Variants in LRCOL1 observed in about 807,000 individuals in gnomAD.
LRCOL1 encodes leucine rich colipase like 1, also known as leucine-rich colipase-like protein 1.
Under a neutral mutation model 21.6 loss-of-function variants are expected in LRCOL1, and 21 were observed. The ratio of observed to expected loss-of-function variants is 0.97; its 90% CI spans 0.69 to 1.40. LRCOL1 has a LOEUF of 1.40. LRCOL1 is among the 40% of genes most tolerant of loss of function. LRCOL1 has a pLI of 0.00. For missense variants in LRCOL1, 198 were observed against 202.3 expected (o/e 0.98, Z 0.13); for synonymous variants, 98 against 90.1 (o/e 1.09, Z -0.49).
In LRCOL1 at chr12:132,604,278, C is replaced by CCCGGT; in HGVS notation, c.448_452dup (p.Ile152ProfsTer72). 1.3e-6 allele frequency: 2 copies of CCCGGT among 1,535,190 alleles called. No individual in the cohort carries two copies. The highest frequency in any genetic ancestry group is 1.7e-6 in the Non-Finnish European group (2 of 1,146,602). ...CCAGGGGCAGGCACTGGGCCAGGAT[C>CCCGGT]CCGGTCCGGGGAATGCAGCGGAAGG... On this transcript the variant is annotated frameshift_variant, in exon 5 of 6. Coordinates refer to ENST00000376608, the MANE Select transcript of LRCOL1 (RefSeq NM_001195520.2). LOFTEE classifies it high-confidence loss of function.
Position 132,606,124 on chromosome 12 carries a change from C to T in LRCOL1, c.105+23G>A. ...ATGGCGCGTGTGGGGCCTGCAGGGGCATCAGGGGTGCCCGGCACCCACCTT... is the reference window on the plus strand; with the variant it reads ...ATGGCGCGTGTGGGGCCTGCAGGGGTATCAGGGGTGCCCGGCACCCACCTT... On this transcript the variant is annotated intron_variant, in intron 2 of 5. Coordinates refer to ENST00000376608, the MANE Select transcript of LRCOL1 (RefSeq NM_001195520.2). The surrounding 1 kb of genome is among the most constrained non-coding windows in gnomAD (Gnocchi z 4.6). The T allele has an allele frequency of 6.5e-7, 1 of 1,534,114 alleles. No individual in the cohort carries two copies. Among genetic ancestry groups the T allele is most frequent in the Non-Finnish European group, 8.7e-7 (1 of 1,145,162 alleles).
Position 132,606,223 on chromosome 12 carries a change from A to G in LRCOL1, c.29T>C (p.Leu10Pro). MAGPGWTLL[L>P]LLLLLLLLGS... ...CAGCAGCAGCAGCAGCAGCAGCAGT[A>G]GCAGCAGCGTCCACCCCGGGCCGGC... The change falls in exon 2 of 6, where the codon CTA (leucine) becomes CCA (proline). Residue 10 changes from leucine to proline, a missense_variant. By Grantham distance (98) the Leu-to-Pro change is moderately conservative. Coordinates refer to ENST00000376608, the MANE Select transcript of LRCOL1 (RefSeq NM_001195520.2). This position sits in a 1 kb window ranked among gnomAD's most constrained non-coding sequence, Gnocchi z 4.6. The G allele has an allele frequency of 6.5e-7, 1 of 1,536,650 alleles. No homozygotes were observed. Among genetic ancestry groups the G allele is most frequent in the Non-Finnish European group, 8.7e-7 (1 of 1,146,876 alleles).
At position 132,606,315 on chromosome 12, in the gene LRCOL1, G is replaced by C; in HGVS notation, c.-13-51C>G. ...AGTGTGTCCACGCCAGCCTTGTCCT[G>C]CCTGGCACCTGGTGCTGGCCTCCCC... On this transcript the variant is annotated intron_variant, in intron 1 of 5. Coordinates refer to ENST00000376608, the MANE Select transcript of LRCOL1 (RefSeq NM_001195520.2). This position sits in a 1 kb window ranked among gnomAD's most constrained non-coding sequence, Gnocchi z 4.6. 3 of 1,483,524 alleles carry C rather than the reference G, an allele frequency of 2.0e-6. No homozygotes were observed. Among genetic ancestry groups the C allele is most frequent in the Admixed American group, 2.0e-5 (1 of 50,404 alleles). 91.9% of individuals were successfully genotyped at this position (1,483,524 alleles called of 1,614,324 possible).
Position 132,604,765 on chromosome 12 carries a change from C to T in LRCOL1, c.172G>A (p.Ala58Thr). 1.3e-6 allele frequency: 2 copies of T among 1,536,116 alleles called. No individual in the cohort carries two copies. The highest frequency in any genetic ancestry group is 1.7e-6 in the Non-Finnish European group (2 of 1,146,890). The change falls in exon 3 of 6, where the codon GCC becomes ACC. Residue 58 changes from alanine (A) to threonine (T), a missense_variant. Transcript: ENST00000376608. ...QSNCCTINSL[A>T]PHTLCTPKTI... is the part of the protein sequence containing the mutation. ...TTAGGGGTGCAGAGCGTGTGTGGGG[C>T]CAGGCTGTTGATGGTACAGCAGTTG...
intron 2 of LRCOL1, 54 bp from the exon 3 acceptor site, chr12:132,604,885 T>C: frequency 1.3e-6 from 2 of 1,526,164 alleles, no homozygotes; most frequent in Non-Finnish European, 1.8e-6. Flanking sequence ...GCCTGCAGAC[T>C]CAGCACTCAG....
At chr12:132,604,994 G>T (rs2041285407) in intron 2 of LRCOL1, 163 bp from the exon 3 acceptor site, 2 of 1,441,172 alleles carry the variant, frequency 1.4e-6, no homozygotes, top group African/African-American at 1.4e-5. Context: ...CGTGGTTCTG[G>T]CAGGTCAGTG....
chr12:132,603,443 C>CG (rs1566276189), intron 5 of LRCOL1, 39 bp from the exon 6 acceptor site: 17 of 1,536,090 alleles, frequency 1.1e-5, no homozygotes, highest in Non-Finnish European at 1.4e-5. Flanking sequence ...GTGCAGGGGA[C>CG]GGGCCTCGAA....
intron 1 of LRCOL1, among the ~76,000 whole-genome samples, chr12:132,609,086 C>T (rs2041346505): frequency 6.6e-6 from 1 of 152,150 alleles, no homozygotes; most frequent in Non-Finnish European, 1.5e-5. Flanking sequence ...GATATGTACG[C>T]ACAATGGGAC....
intron 2 of LRCOL1, chr12:132,605,223 C>T: frequency 1.3e-6 from 1 of 744,864 alleles, no homozygotes; most frequent in Non-Finnish European, 1.6e-6. Context: ...GCCAGGCCTC[C>T]CCCCTGCACC....
At chr12:132,604,172 G>C (rs2041267888) in intron 5 of LRCOL1, 82 bp downstream of exon 5, 5 of 1,466,974 alleles carry the variant, frequency 3.4e-6, no homozygotes, top group East Asian at 5.0e-5. Flanking sequence ...CCGCGGTCCC[G>C]GTCCAGTTGC....
chr12:132,603,490 G>C (rs2041253077), intron 5 of LRCOL1, 86 bp from the exon 6 acceptor site: 1 of 1,535,140 alleles, frequency 6.5e-7, no homozygotes, highest in Non-Finnish European at 8.7e-7. Flanking sequence ...CGGGGCCACA[G>C]CATCTCCCGG....
At chr12:132,610,193 G>A (rs1347029105) in intron 1 of LRCOL1, 130 bp downstream of exon 1, 1 of 152,236 alleles carries the variant, frequency 6.6e-6, no homozygotes, top group East Asian at 1.9e-4. Context: ...GTCGATCCTG[G>A]GCTCTGGGCT....
intron 5 of LRCOL1, 190 bp from the exon 6 acceptor site, chr12:132,603,594 A>G (rs2138297334): frequency 1.0e-6 from 1 of 984,640 alleles, no homozygotes; most frequent in Admixed American, 6.1e-5. Context: ...AGGCGCCCGG[A>G]GCTGCTCCCA....
Position 132,603,288 on chromosome 12 carries a change from C to A in LRCOL1, c.*114G>T. On this transcript the variant is annotated 3_prime_UTR_variant, in exon 6 of 6. Transcript: ENST00000376608. Reference sequence around the variant, plus strand: ...CCACAGATTTTCAGAGCCCCAGAAACAGCAGCACAAACCGTAAGGGAAGCT... The same window carrying A: ...CCACAGATTTTCAGAGCCCCAGAAAAAGCAGCACAAACCGTAAGGGAAGCT... 6.9e-7 allele frequency: 1 copy of A among 1,455,934 alleles called. No individual in the cohort carries two copies. The highest frequency in any genetic ancestry group is 9.3e-7 in the Non-Finnish European group (1 of 1,078,238). 90.2% of individuals were successfully genotyped at this position (1,455,934 alleles called of 1,614,324 possible).
intron 1 of LRCOL1, among the ~76,000 whole-genome samples, chr12:132,608,368 G>A (rs966530841): frequency 2.0e-5 from 3 of 152,182 alleles, no homozygotes; most frequent in Non-Finnish European, 4.4e-5. Flanking sequence ...GCCACTGCGT[G>A]AGCACCACGA....
chr12:132,604,434 C>T lies in LRCOL1; in HGVS notation c.354+28G>A, dbSNP rs910679353. 3 of 1,528,982 alleles carry T rather than the reference C, an allele frequency of 2.0e-6. No homozygotes were observed. The African/African-American group carries it at 4.3e-5, about 22-fold the overall frequency. 94.7% of individuals were successfully genotyped at this position (1,528,982 alleles called of 1,614,324 possible). A position where few individuals can be genotyped will look rare whatever the true frequency, so the allele number is the denominator to read the frequency against. ...GGGGCTGTCTCCGGCTACCCCTGCTCCATCTGCCCCGGGTGCCCGCAGCTC... is the reference window on the plus strand; with the variant it reads ...GGGGCTGTCTCCGGCTACCCCTGCTTCATCTGCCCCGGGTGCCCGCAGCTC... On this transcript the variant is annotated intron_variant, in intron 4 of 5. Transcript: ENST00000376608.
Position 132,603,276 on chromosome 12 carries a change from G to A in LRCOL1, c.*126C>T, listed in dbSNP as rs996814032. 4 of 1,402,010 alleles carry A rather than the reference G, an allele frequency of 2.9e-6. No homozygotes were observed. The highest frequency in any genetic ancestry group is 1.9e-6 in the Non-Finnish European group (2 of 1,035,994). 86.8% of individuals were successfully genotyped at this position (1,402,010 alleles called of 1,614,324 possible). ...GCCTTTCAGTTCCCACAGATTTTCAGAGCCCCAGAAACAGCAGCACAAACC... is the reference window on the plus strand; with the variant it reads ...GCCTTTCAGTTCCCACAGATTTTCAAAGCCCCAGAAACAGCAGCACAAACC... On this transcript the variant is annotated 3_prime_UTR_variant, in exon 6 of 6. Transcript: ENST00000376608.
intron 1 of LRCOL1, among the ~76,000 whole-genome samples, chr12:132,607,488 C>T (rs1337410806): frequency 6.6e-6 from 1 of 152,256 alleles, no homozygotes; most frequent in Non-Finnish European, 1.5e-5. Context: ...AGAAAGTCCA[C>T]CCTTGGCCTC....
In LRCOL1 at chr12:132,604,680, C is replaced by G. The variant is rs1401186875; in HGVS notation, c.231+26G>C. ...GGGGCCACAGGCAGTCTCGCTCCTC[C>G]ACCCCCGCCCCTGCACGCACCTCAC... On this transcript the variant is annotated intron_variant, in intron 3 of 5. Coordinates refer to ENST00000376608, the MANE Select transcript of LRCOL1 (RefSeq NM_001195520.2). 5.2e-6 allele frequency: 8 copies of G among 1,528,914 alleles called. No individual in the cohort carries two copies. In the African/African-American group the frequency reaches 9.6e-5, roughly 18 times the overall value. The allele number at this position is 1,528,914 out of a possible 1,614,324, so 94.7% of individuals were successfully genotyped here.
Sources: gnomAD v4.1 joint callset for allele counts (sites outside exome capture counted in the v4.1 genomes callset) on GRCh38, gnomAD v4.1.1 for gene constraint, Gnocchi (gnomAD v3.1) non-coding constraint, MANE v1.5 for transcripts, NCBI Gene and HGNC (gene_info 2026-07-23, HGNC 2026-07-21) for gene names.